The following DAAM2 variants were observed in gnomAD, a reference collection of about 807,000 sequenced individuals.
DAAM2 encodes the protein dishevelled associated activator of morphogenesis 2.
Under a neutral mutation model 120.7 loss-of-function variants are expected in DAAM2, and 39 were observed. That is an observed-to-expected ratio of 0.32 (90% confidence interval 0.25 to 0.42). The LOEUF is 0.42. Ranked by LOEUF, DAAM2 falls within the 10% of genes least tolerant of loss-of-function variation. The probability of loss-of-function intolerance (pLI) is 1.00; values close to 1 mark genes in which losing one functional copy is unlikely to be tolerated. For missense variants in DAAM2, 1,283 were observed against 1,401.7 expected, an observed-to-expected ratio of 0.92 and a Z score of 1.35; for synonymous variants, 488 against 524.9, an observed-to-expected ratio of 0.93 and a Z score of 0.96.
intron 1 of DAAM2, among the ~76,000 whole-genome samples, chr6:39,842,633 A>G (rs1763391988): frequency 6.6e-6 from 1 of 152,226 alleles, no homozygotes; most frequent in Admixed American, 6.5e-5. Flanking sequence ...ACTCCGTCTC[A>G]AAATAAATAA....
At chr6:39,876,903 C>A (rs1764896207) in intron 11 of DAAM2, among the ~76,000 whole-genome samples, 1 of 152,180 alleles carries the variant, frequency 6.6e-6, no homozygotes, top group African/African-American at 2.4e-5. Flanking sequence ...AAAGGTCTTA[C>A]TTGATAAGAT....
At chr6:39,822,022 G>C (rs1013843177) in intron 1 of DAAM2, 4 of 152,466 alleles carry the variant, frequency 2.6e-5, no homozygotes, top group Non-Finnish European at 5.9e-5. Context: ...GGAGGAGGCA[G>C]GTCTGCCAAG....
intron 1 of DAAM2, among the ~76,000 whole-genome samples, chr6:39,834,382 G>A (rs758311032): frequency 1.0e-3 from 155 of 152,298 alleles, no homozygotes; most frequent in Non-Finnish European, 1.8e-3. Context: ...GAGAAAAAGT[G>A]TGATGTGGAC....
chr6:39,876,928 G>C (rs1019384165), intron 11 of DAAM2, among the ~76,000 whole-genome samples: 2 of 152,192 alleles, frequency 1.3e-5, no homozygotes, highest in Admixed American at 6.5e-5. Flanking sequence ...TAGTAAACAG[G>C]CTCCCTGCTC....
chr6:39,793,303 G>T (rs1216195136), intron 1 of DAAM2, among the ~76,000 whole-genome samples: 1 of 151,586 alleles, frequency 6.6e-6, no homozygotes, highest in Non-Finnish European at 1.5e-5. Flanking sequence ...GCCGCGTGTG[G>T]TGCCCCAAAC....
rs1348556466 is a variant in DAAM2, at chr6:39,878,980, G to T, written c.1546-198G>T. ...TGTGCGTGACGTGTGTGTGTCTGTG[G>T]TGGTGGTGTGTGTGTGTTTGCGTGT... On this transcript the variant is annotated intron_variant, in intron 13 of 24. Coordinates refer to ENST00000274867, the MANE Select transcript of DAAM2 (RefSeq NM_001201427.2). This position sits in a 1 kb window ranked among gnomAD's most constrained non-coding sequence, Gnocchi z 5.0. Among the ~76,000 whole-genome samples, 1 of 152,088 alleles carries T rather than the reference G, an allele frequency of 6.6e-6. No individual in the cohort carries two copies. Among genetic ancestry groups the T allele is most frequent in the East Asian group, 1.9e-4 (1 of 5,194 alleles).
intron 1 of DAAM2, among the ~76,000 whole-genome samples, chr6:39,839,675 G>A (rs1429728009): frequency 6.6e-6 from 1 of 152,210 alleles, no homozygotes; most frequent in African/African-American, 2.4e-5. Context: ...CAAGCTTAGA[G>A]CATGTGCAGG....
chr6:39,795,441 A>G (rs1201936696), intron 1 of DAAM2, among the ~76,000 whole-genome samples: 3 of 152,148 alleles, frequency 2.0e-5, no homozygotes, highest in Non-Finnish European at 4.4e-5. Flanking sequence ...CTAAATACGA[A>G]TTAGTAACCT....
Position 39,878,499 on chromosome 6 carries a change from A to G in DAAM2, c.1456A>G (p.Met486Val). 6.2e-7 allele frequency: 1 copy of G among 1,611,022 alleles called. No individual in the cohort carries two copies. The highest frequency in any genetic ancestry group is 1.3e-5 in the African/African-American group (1 of 74,992). Residue 486 changes from methionine to valine, a missense_variant, in exon 13 of 25, where the codon ATG (methionine) becomes GTG (valine). Coordinates refer to ENST00000274867, the MANE Select transcript of DAAM2 (RefSeq NM_001201427.2). The surrounding 1 kb of genome is among the most constrained non-coding windows in gnomAD (Gnocchi z 5.0). ...AGAGATGATGCGGACGCTGAACAAA[A>G]TGAAGGACAAGCTGGCCCGGGAGTC... The part of the protein sequence containing the change: ...KEEMMRTLNK[M>V]KDKLARESQE...
intron 1 of DAAM2, among the ~76,000 whole-genome samples, chr6:39,818,369 G>C (rs1368583342): frequency 6.6e-6 from 1 of 152,004 alleles, no homozygotes; most frequent in Non-Finnish European, 1.5e-5. Flanking sequence ...GTGTGTAATC[G>C]GGGGTGGGGA....
At chr6:39,848,730 G>C (rs889471057) in intron 1 of DAAM2, 2 of 152,228 alleles carry the variant, frequency 1.3e-5, no homozygotes, top group Admixed American at 1.3e-4. Flanking sequence ...CCTGGAAAGA[G>C]CGTGTGCTTA....
chr6:39,903,272 G>A lies in DAAM2; in HGVS notation c.*1235G>A, dbSNP rs925197520. The A allele has an allele frequency of 1.6e-4, 25 of 152,466 alleles. No homozygotes were observed. Among genetic ancestry groups the A allele is most frequent in the African/African-American group, 5.5e-4 (23 of 41,464 alleles). 9.4% of individuals were successfully genotyped at this position (152,466 alleles called of 1,614,324 possible). A position where few individuals can be genotyped will look rare whatever the true frequency, so the allele number is the denominator to read the frequency against. On this transcript the variant is annotated 3_prime_UTR_variant, in exon 25 of 25. Transcript: ENST00000274867. Reference sequence around the variant, plus strand: ...AGGCAAGGGAAACTGGGGAGATGGGGATGGAGGAGGAAGGCTGATATCCTC... The same window carrying A: ...AGGCAAGGGAAACTGGGGAGATGGGAATGGAGGAGGAAGGCTGATATCCTC...
chr6:39,809,714 C>G (rs1029806107), intron 1 of DAAM2, among the ~76,000 whole-genome samples: 5 of 152,168 alleles, frequency 3.3e-5, no homozygotes, highest in Admixed American at 6.5e-5. Flanking sequence ...TAGCGCTTCT[C>G]AATTTATCTA....
At chr6:39,882,658 G>C (rs369051483) in intron 14 of DAAM2, among the ~76,000 whole-genome samples, 1 of 151,258 alleles carries the variant, frequency 6.6e-6, no homozygotes. Flanking sequence ...GAAGCCCGAC[G>C]CCTCTCCTAG....
chr6:39,832,774 C>A (rs954402085), intron 1 of DAAM2, among the ~76,000 whole-genome samples: 2 of 152,180 alleles, frequency 1.3e-5, no homozygotes, highest in Non-Finnish European at 2.9e-5. Context: ...CTCCACGGAG[C>A]TGTACCTTGC....
chr6:39,840,319 A>G (rs1450178347), intron 1 of DAAM2, among the ~76,000 whole-genome samples: 1 of 152,240 alleles, frequency 6.6e-6, no homozygotes, highest in Non-Finnish European at 1.5e-5. Context: ...GACCTTGGGA[A>G]GGTTGCTTCA....
At chr6:39,861,306 G>A (rs562827086) in intron 3 of DAAM2, 17 of 446,746 alleles carry the variant, frequency 3.8e-5, no homozygotes, top group African/African-American at 8.0e-5. Flanking sequence ...GGACTCTCTC[G>A]TGCCTGCTCC....
intron 1 of DAAM2, among the ~76,000 whole-genome samples, chr6:39,806,792 C>A (rs76891732): frequency 1.7e-5 from 2 of 120,746 alleles, no homozygotes; most frequent in Non-Finnish European, 3.4e-5. Context: ...CAGGGAAATA[C>A]ATAAATTAAA....
intron 15 of DAAM2, chr6:39,886,460 C>T (rs1042945785): frequency 1.8e-5 from 7 of 399,302 alleles, no homozygotes; most frequent in African/African-American, 4.1e-5. Flanking sequence ...GAGTTACTCT[C>T]GGGGCTCTGA....
Sources: allele counts gnomAD v4.1 joint callset (sites outside exome capture counted in the v4.1 genomes callset), GRCh38; gene constraint gnomAD v4.1.1; non-coding constraint Gnocchi (gnomAD v3.1); transcripts MANE v1.5; gene names NCBI Gene and HGNC (gene_info 2026-07-23, HGNC 2026-07-21).